ACTR3: variants seen among roughly 807,000 people sequenced by gnomAD.
ACTR3 encodes the protein actin-related protein 3.
A neutral mutation model predicts 56.8 loss-of-function variants in ACTR3; 12 were observed. That is an observed-to-expected ratio of 0.21 (90% CI 0.14 to 0.34). ACTR3 has a LOEUF of 0.34. Ranked by LOEUF, ACTR3 falls within the 10% of genes least tolerant of loss-of-function variation. ACTR3 has a pLI of 1.00. For synonymous variants in ACTR3, 162 were observed against 167.4 expected (o/e 0.97, Z 0.25); for missense variants, 282 against 512.5 (o/e 0.55, Z 4.34).
intron 4 of ACTR3, among the ~76,000 whole-genome samples, chr2:113,929,873 T>G (rs1679687249): frequency 6.6e-6 from 1 of 151,876 alleles, no homozygotes; most frequent in Admixed American, 6.6e-5. Context: ...GAGACAGGAT[T>G]TTGCCATGTT....
chr2:113,932,698 A>G (rs1364904744), intron 5 of ACTR3, among the ~76,000 whole-genome samples: 7 of 152,226 alleles, frequency 4.6e-5, no homozygotes, highest in Non-Finnish European at 7.3e-5. Context: ...TCTTGGTTGT[A>G]GATGATAGTT....
At chr2:113,948,384 G>A (rs532508054) in intron 8 of ACTR3, among the ~76,000 whole-genome samples, 4 of 152,148 alleles carry the variant, frequency 2.6e-5, no homozygotes, top group South Asian at 2.1e-4. Flanking sequence ...TCCTGGGCTC[G>A]AGCAATTCAC....
At chr2:113,914,614 C>CAAAAAAAAAAAAAAAA (rs55784117) in intron 2 of ACTR3, among the ~76,000 whole-genome samples, 2 of 69,218 alleles carry the variant, frequency 2.9e-5, no homozygotes, top group African/African-American at 4.2e-5. Flanking sequence ...GACTCAGTCT[C>CAAAAAAAAAAAAAAAA]AAAAAAAAAA....
intron 1 of ACTR3, among the ~76,000 whole-genome samples, chr2:113,897,651 C>G (rs913462516): frequency 1.3e-5 from 2 of 151,118 alleles, no homozygotes; most frequent in Non-Finnish European, 2.9e-5. Context: ...CTCAGCCTCC[C>G]GAGTAGCTGG....
rs147953241 is a variant in ACTR3, at chr2:113,912,241, A to G, written c.45-931A>G. Among the ~76,000 whole-genome samples, 1,008 of 152,250 alleles carry G rather than the reference A, an allele frequency of 6.6e-3. 18 individuals carry two copies. Among genetic ancestry groups the G allele is most frequent in the African/African-American group, 0.023 (964 of 41,536 alleles). On this transcript the variant is annotated intron_variant, in intron 1 of 11. Transcript: ENST00000263238. ...ATTCTTCAGATATTAGAGTCCAAGA[A>G]TGTCACAGCAATTACCTGTCTGCTA...
intron 8 of ACTR3, among the ~76,000 whole-genome samples, chr2:113,947,095 A>G (rs1300075089): frequency 1.3e-5 from 2 of 152,192 alleles, no homozygotes; most frequent in African/African-American, 4.8e-5. Context: ...TGGGCCATTT[A>G]TATGTGAGTA....
Position 113,939,951 on chromosome 2 carries a change from C to T in ACTR3, c.541-8C>T, listed in dbSNP as rs758428884. On this transcript the variant is annotated splice_polypyrimidine_tract_variant and splice_region_variant and intron_variant, in intron 6 of 11. Coordinates refer to ENST00000263238, the MANE Select transcript of ACTR3 (RefSeq NM_005721.5). ...AAGTAAATTTGGTATCTTTTTTCCC[C>T]TCTCTAGGCTGAAGGGTATGTGATT... 4.5e-6 allele frequency: 7 copies of T among 1,555,476 alleles called. No homozygotes were observed. In the Admixed American group the frequency reaches 9.4e-5, roughly 21 times the overall value.
chr2:113,917,862 C>G (rs1405830377), intron 3 of ACTR3, among the ~76,000 whole-genome samples: 1 of 152,176 alleles, frequency 6.6e-6, no homozygotes, highest in Non-Finnish European at 1.5e-5. Context: ...GAAACACACA[C>G]ACAGTGCTCT....
intron 1 of ACTR3, among the ~76,000 whole-genome samples, chr2:113,907,079 T>C (rs2104588110): frequency 6.6e-6 from 1 of 152,284 alleles, no homozygotes; most frequent in East Asian, 1.9e-4. Context: ...CTGAATTCTG[T>C]ACTAAATGCA....
intron 8 of ACTR3, among the ~76,000 whole-genome samples, chr2:113,950,259 TAAG>T (rs1680096927): frequency 6.6e-6 from 1 of 152,248 alleles, no homozygotes; most frequent in Admixed American, 6.5e-5. Context: ...TTTTTCTCTG[TAAG>T]ACACATCACA....
chr2:113,939,701 T>C (rs980047279), intron 6 of ACTR3, among the ~76,000 whole-genome samples: 10 of 152,254 alleles, frequency 6.6e-5, no homozygotes, highest in Non-Finnish European at 1.3e-4. Context: ...TTGATATTTA[T>C]ATTTTGAAAT....
chr2:113,935,835 ATAGG>A (rs1275611637), intron 6 of ACTR3, among the ~76,000 whole-genome samples: 1 of 152,148 alleles, frequency 6.6e-6, no homozygotes, highest in Non-Finnish European at 1.5e-5. Flanking sequence ...TCACCAAATA[ATAGG>A]TAGTGAGGCT....
At chr2:113,946,404 C>G (rs1680021248) in intron 8 of ACTR3, among the ~76,000 whole-genome samples, 1 of 151,746 alleles carries the variant, frequency 6.6e-6, no homozygotes. Flanking sequence ...AATAGCCATT[C>G]TGACTGGTAT....
chr2:113,890,279 G>T lies in ACTR3; in HGVS notation c.-1G>T. ...AGCAGCAGCAGCAGGCGAGGAGGAA[G>T]ATGGCGGGACGGCTGCCGGCCTGTG... On this transcript the variant is annotated 5_prime_UTR_variant, in exon 1 of 12. Coordinates refer to ENST00000263238, the MANE Select transcript of ACTR3 (RefSeq NM_005721.5). 3 of 1,550,136 alleles carry T rather than the reference G, an allele frequency of 1.9e-6. No individual in the cohort carries two copies. Among genetic ancestry groups the T allele is most frequent in the Non-Finnish European group, 1.7e-6 (2 of 1,146,276 alleles).
At chr2:113,920,140 C>G (rs1679480371) in intron 3 of ACTR3, among the ~76,000 whole-genome samples, 1 of 152,198 alleles carries the variant, frequency 6.6e-6, no homozygotes, top group African/African-American at 2.4e-5. Flanking sequence ...CCAGCCTGGC[C>G]TTGAACTCCT....
chr2:113,939,771 T>C (rs867841814), intron 6 of ACTR3, among the ~76,000 whole-genome samples, 188 bp from the exon 7 acceptor site: 5 of 152,206 alleles, frequency 3.3e-5, no homozygotes, highest in African/African-American at 1.2e-4. Context: ...AGTGGGAAAA[T>C]AAATCTAAGT....
At chr2:113,944,905 A>G (rs1679988908) in intron 8 of ACTR3, among the ~76,000 whole-genome samples, 1 of 152,162 alleles carries the variant, frequency 6.6e-6, no homozygotes, top group African/African-American at 2.4e-5. Flanking sequence ...CAAAACTTTT[A>G]GTTGTGCAAT....
At position 113,958,295 on chromosome 2, in the gene ACTR3, C is replaced by A. The variant is rs1483023221; in HGVS notation, c.*840C>A. 3 of 152,514 alleles carry A rather than the reference C, an allele frequency of 2.0e-5. No individual in the cohort carries two copies. The highest frequency in any genetic ancestry group is 7.2e-5 in the African/African-American group (3 of 41,436). The allele number at this position is 152,514 out of a possible 1,614,324, so 9.4% of individuals were successfully genotyped here. The stretch of plus-strand genomic sequence containing the variant: ...CCTCTTTAATCTCTTTATAAGTTAA[C>A]TAATAAATCTATTTTCTTCAGACTT... On this transcript the variant is annotated 3_prime_UTR_variant, in exon 12 of 12. Coordinates refer to ENST00000263238, the MANE Select transcript of ACTR3 (RefSeq NM_005721.5).
Position 113,909,610 on chromosome 2 carries a change from TTG to T in ACTR3, c.45-3560_45-3559del, listed in dbSNP as rs1679264228. On this transcript the variant is annotated intron_variant, in intron 1 of 11. Transcript: ENST00000263238. ...TTAAGTTGTGATAAAAGTTTTTTTGTTGTTGTTGTTGTTTTTTTTTTTTTGGG... is the reference window on the plus strand; with the variant it reads ...TTAAGTTGTGATAAAAGTTTTTTTGTTTGTTGTTGTTTTTTTTTTTTTGGG... Among the ~76,000 whole-genome samples, 4 of 126,394 alleles carry T rather than the reference TTG, an allele frequency of 3.2e-5. No individual in the cohort carries two copies. The South Asian group carries it at 1.0e-3, about 33-fold the overall frequency. 82.9% of individuals were successfully genotyped at this position (126,394 alleles called of 152,430 possible).
Sources: allele counts gnomAD v4.1 joint callset (sites outside exome capture counted in the v4.1 genomes callset), GRCh38; gene constraint gnomAD v4.1.1; transcripts MANE v1.5; gene names NCBI Gene and HGNC (gene_info 2026-07-23, HGNC 2026-07-21).